Variants in CNTNAP2 observed in about 807,000 individuals in gnomAD.
CNTNAP2 encodes contactin associated protein 2.
A neutral mutation model predicts 155.2 loss-of-function variants in CNTNAP2; 98 were observed. That is an observed-to-expected ratio of 0.63 (90% CI 0.54 to 0.75). CNTNAP2 has a LOEUF of 0.75. Ranked by LOEUF, CNTNAP2 falls within the 30% of genes least tolerant of loss-of-function variation. CNTNAP2 has a pLI of 0.00. For missense variants in CNTNAP2, 1,727 were observed against 1,688.1 expected, an observed-to-expected ratio of 1.02 and a Z score of -0.40; for synonymous variants, 651 against 631.2, an observed-to-expected ratio of 1.03 and a Z score of -0.47.
At chr7:146,615,893 G>A (rs1329581291) in intron 1 of CNTNAP2, among the ~76,000 whole-genome samples, 1 of 152,070 alleles carries the variant, frequency 6.6e-6, no homozygotes, top group Non-Finnish European at 1.5e-5. Context: ...TGTCCCCTTG[G>A]GATCATACCA....
At chr7:147,428,629 T>C (rs1797418535) in intron 10 of CNTNAP2, among the ~76,000 whole-genome samples, 1 of 152,172 alleles carries the variant, frequency 6.6e-6, no homozygotes, top group Non-Finnish European at 1.5e-5. Context: ...TAGAGTGTAT[T>C]TATAAGTTGG....
chr7:146,295,539 A>G (rs1249078321), intron 1 of CNTNAP2, among the ~76,000 whole-genome samples: 1 of 152,234 alleles, frequency 6.6e-6, no homozygotes, highest in African/African-American at 2.4e-5. Flanking sequence ...AATCTAAAAT[A>G]TGTGATAATC....
intron 21 of CNTNAP2, among the ~76,000 whole-genome samples, chr7:148,359,618 T>A (rs1392528484): frequency 6.6e-6 from 1 of 152,226 alleles, no homozygotes; most frequent in Admixed American, 6.5e-5. Flanking sequence ...AAGAAAAATG[T>A]CTTCTTTTGG....
At position 147,240,113 on chromosome 7, in the gene CNTNAP2, T is replaced by C. The variant is rs116694756; in HGVS notation, c.1349-60028T>C. On this transcript the variant is annotated intron_variant, in intron 8 of 23. Transcript: ENST00000361727. The stretch of plus-strand genomic sequence containing the variant: ...TTAATCCATAGAACGAGGACAACCA[T>C]AGTATTTAGCCTGGCAACATAGCAA... 8.6e-3 allele frequency among the ~76,000 whole-genome samples: 1,307 copies of C among 152,232 alleles called. 18 individuals carry two copies. Among genetic ancestry groups the C allele is most frequent in the African/African-American group, 0.03 (1,239 of 41,530 alleles).
chr7:147,176,647 T>C (rs1035925359), intron 8 of CNTNAP2, among the ~76,000 whole-genome samples: 7 of 132,444 alleles, frequency 5.3e-5, no homozygotes, highest in South Asian at 4.5e-4. Flanking sequence ...ATAATATTTA[T>C]AATATAATAG....
chr7:148,242,555 A>C (rs1003643844), intron 20 of CNTNAP2, among the ~76,000 whole-genome samples: 1 of 152,254 alleles, frequency 6.6e-6, no homozygotes, highest in Non-Finnish European at 1.5e-5. Flanking sequence ...CCAAAACCAG[A>C]GTCCTAGGTT....
At chr7:147,158,175 A>T (rs1003119015) in intron 8 of CNTNAP2, among the ~76,000 whole-genome samples, 1 of 152,104 alleles carries the variant, frequency 6.6e-6, no homozygotes, top group African/African-American at 2.4e-5. Context: ...AAAAGTGATT[A>T]AACATGTCAA....
intron 1 of CNTNAP2, among the ~76,000 whole-genome samples, chr7:146,501,686 C>A (rs545680216): frequency 5.3e-4 from 81 of 151,922 alleles, no homozygotes; most frequent in African/African-American, 1.8e-3. Context: ...CCACCCAGAA[C>A]CTGTGACTGT....
intron 1 of CNTNAP2, among the ~76,000 whole-genome samples, chr7:146,720,332 GT>G (rs1265020412): frequency 6.6e-6 from 1 of 152,000 alleles, no homozygotes; most frequent in Non-Finnish European, 1.5e-5. Flanking sequence ...AAATACCTGA[GT>G]TTGCTAATGT....
intron 8 of CNTNAP2, among the ~76,000 whole-genome samples, chr7:147,189,776 A>T (rs188199073): frequency 1.3e-5 from 2 of 151,868 alleles, no homozygotes; most frequent in Admixed American, 6.6e-5. Flanking sequence ...ACGGAGTCTC[A>T]CTCTGTCGCC....
chr7:146,721,391 C>CTCTATATATTCTATATATATTCTA (rs1801306633), intron 1 of CNTNAP2, among the ~76,000 whole-genome samples: 1 of 118,750 alleles, frequency 8.4e-6, no homozygotes, highest in African/African-American at 3.7e-5. Flanking sequence ...TATATACATT[C>CTCTATATATTCTATATATATTCTA]TATATACATT....
chr7:147,143,911 C>T (rs1801649461), intron 8 of CNTNAP2, among the ~76,000 whole-genome samples: 1 of 151,920 alleles, frequency 6.6e-6, no homozygotes, highest in East Asian at 1.9e-4. Flanking sequence ...AGTCATATTC[C>T]CTTTGTATTT....
chr7:146,314,658 A>G (rs1800879278), intron 1 of CNTNAP2, among the ~76,000 whole-genome samples: 1 of 152,080 alleles, frequency 6.6e-6, no homozygotes, highest in Admixed American at 6.6e-5. Context: ...GTGATTTAGG[A>G]GCCAGTCCCA....
At chr7:148,374,465 G>C (rs1798945941) in intron 21 of CNTNAP2, among the ~76,000 whole-genome samples, 1 of 152,046 alleles carries the variant, frequency 6.6e-6, no homozygotes. Context: ...TCCAGAGTTA[G>C]TTTCAAATGA....
chr7:146,741,931 G>C (rs77679382), intron 1 of CNTNAP2, among the ~76,000 whole-genome samples: 2,338 of 152,198 alleles, frequency 0.015, 61 homozygotes, highest in African/African-American at 0.054. Flanking sequence ...AGAGGCAATA[G>C]CAATAATCCA....
chr7:147,034,682 C>T (rs1051262150), intron 3 of CNTNAP2, among the ~76,000 whole-genome samples: 1 of 152,148 alleles, frequency 6.6e-6, no homozygotes, highest in Non-Finnish European at 1.5e-5. Context: ...CGGGTCTCAG[C>T]GAGGTGGATG....
intron 1 of CNTNAP2, among the ~76,000 whole-genome samples, chr7:146,562,850 G>T (rs1798300595): frequency 6.6e-6 from 1 of 151,950 alleles, no homozygotes; most frequent in South Asian, 2.1e-4. Flanking sequence ...CTTCAAATTA[G>T]GGAGGATTTA....
At chr7:148,203,667 C>G (rs1342528612) in intron 18 of CNTNAP2, among the ~76,000 whole-genome samples, 2 of 152,110 alleles carry the variant, frequency 1.3e-5, no homozygotes, top group African/African-American at 4.8e-5. Context: ...ATCGCTTGAA[C>G]CCGGTAGGCA....
At chr7:147,827,057 A>C (rs1798464159) in intron 13 of CNTNAP2, among the ~76,000 whole-genome samples, 1 of 151,478 alleles carries the variant, frequency 6.6e-6, no homozygotes, top group Non-Finnish European at 1.5e-5. Flanking sequence ...CAGCCTCCTG[A>C]GTAGCGGGAC....
Sources: gnomAD v4.1 joint callset for allele counts (sites outside exome capture counted in the v4.1 genomes callset) on GRCh38, gnomAD v4.1.1 for gene constraint, MANE v1.5 for transcripts, NCBI Gene and HGNC (gene_info 2026-07-23, HGNC 2026-07-21) for gene names.